The following SBNO1 variants were observed in gnomAD, a reference collection of about 807,000 sequenced individuals.
The protein encoded by SBNO1 is protein strawberry notch homolog 1.
SBNO1 carries 23 observed loss-of-function variants against 173.6 expected under a neutral mutation model. The ratio of observed to expected loss-of-function variants is 0.13; its 90% confidence interval spans 0.10 to 0.19. SBNO1 has a LOEUF of 0.19. SBNO1 is among the 10% of genes least tolerant of loss of function. The pLI is 1.00. For missense variants in SBNO1, 1,238 were observed against 1,671.2 expected (o/e 0.74, Z 4.52); for synonymous variants, 632 against 571.5 (o/e 1.11, Z -1.51).
chr12:123,304,940 G>A (rs1208593603), intron 28 of SBNO1, among the ~76,000 whole-genome samples: 1 of 152,184 alleles, frequency 6.6e-6, no homozygotes, highest in Non-Finnish European at 1.5e-5. Context: ...GAAGGTTAAA[G>A]ACCAAAGTTA....
intron 1 of SBNO1, chr12:123,364,100 C>T: frequency 5.1e-6 from 5 of 985,548 alleles, no homozygotes; most frequent in Non-Finnish European, 6.0e-6. Context: ...AAGCGAGTCG[C>T]CTGGAGAGGC....
In SBNO1 at chr12:123,293,021, T is replaced by C. The variant is rs548664343; in HGVS notation, c.*2887A>G. 6.6e-6 allele frequency: 1 copy of C among 152,334 alleles called. No individual in the cohort carries two copies. The highest frequency in any genetic ancestry group is 2.1e-4 in the South Asian group (1 of 4,828). 9.4% of individuals were successfully genotyped at this position (152,334 alleles called of 1,614,324 possible). On this transcript the variant is annotated 3_prime_UTR_variant, in exon 32 of 32. Coordinates refer to ENST00000602398, the MANE Select transcript of SBNO1 (RefSeq NM_001167856.3). ...TCTGAGCTGCTTTAGACTCTGGAAG[T>C]GGTTTTCAGTACAATTGACGCTGTA...
At chr12:123,322,864 A>G (rs1870154833) in intron 16 of SBNO1, among the ~76,000 whole-genome samples, 1 of 151,110 alleles carries the variant, frequency 6.6e-6, no homozygotes, top group South Asian at 2.1e-4. Context: ...TGGGTGACGG[A>G]GACGGAGACC....
intron 2 of SBNO1, among the ~76,000 whole-genome samples, chr12:123,348,539 G>C (rs942643622): frequency 6.6e-6 from 1 of 152,204 alleles, no homozygotes; most frequent in African/African-American, 2.4e-5. Context: ...GGCCAAGGCA[G>C]GAGGATCACA....
At chr12:123,335,719 A>T (rs1871762974) in intron 6 of SBNO1, among the ~76,000 whole-genome samples, 1 of 152,226 alleles carries the variant, frequency 6.6e-6, no homozygotes, top group Admixed American at 6.5e-5. Flanking sequence ...ATTTACTATA[A>T]AAAAGCGAGT....
In SBNO1 at chr12:123,350,294, T is replaced by C. The variant is rs755204090; in HGVS notation, c.132+16A>G. 1.2e-6 allele frequency: 2 copies of C among 1,611,894 alleles called. No homozygotes were observed. Among genetic ancestry groups the C allele is most frequent in the South Asian group, 2.2e-5 (2 of 90,856 alleles). ...GCGGAAATCACTAAGAAAGAGAGGCTTTGGAAAACTCTTACCTGCTGAACT... is the reference window on the plus strand; with the variant it reads ...GCGGAAATCACTAAGAAAGAGAGGCCTTGGAAAACTCTTACCTGCTGAACT... On this transcript the variant is annotated intron_variant, in intron 2 of 31. Coordinates refer to ENST00000602398, the MANE Select transcript of SBNO1 (RefSeq NM_001167856.3).
chr12:123,341,912 A>G (rs1872609026), intron 4 of SBNO1, among the ~76,000 whole-genome samples: 1 of 152,180 alleles, frequency 6.6e-6, no homozygotes, highest in Non-Finnish European at 1.5e-5. Flanking sequence ...ACTTTAGAAA[A>G]CAACTCAAAA....
intron 5 of SBNO1, among the ~76,000 whole-genome samples, chr12:123,340,723 T>G (rs1436200533): frequency 6.6e-6 from 1 of 152,270 alleles, no homozygotes; most frequent in South Asian, 2.1e-4. Context: ...CACATTGTCT[T>G]TTTTTCTGCT....
chr12:123,346,567 G>A (rs1245763637), intron 3 of SBNO1, among the ~76,000 whole-genome samples: 2 of 152,186 alleles, frequency 1.3e-5, no homozygotes, highest in Non-Finnish European at 2.9e-5. Flanking sequence ...GGGAGGCTGA[G>A]GCAGGAGAAT....
intron 1 of SBNO1, among the ~76,000 whole-genome samples, chr12:123,360,983 C>T (rs1875085845): frequency 2.0e-5 from 3 of 152,068 alleles, no homozygotes; most frequent in African/African-American, 7.2e-5. Flanking sequence ...CAGTGGCTCA[C>T]GCCTATAATC....
In SBNO1 at chr12:123,295,649, T is replaced by G; in HGVS notation, c.*259A>C. 1 of 426,378 alleles carries G rather than the reference T, an allele frequency of 2.3e-6. No individual in the cohort carries two copies. Among genetic ancestry groups the G allele is most frequent in the East Asian group, 4.1e-5 (1 of 24,378 alleles). The allele number at this position is 426,378 out of a possible 1,614,324, so 26.4% of individuals were successfully genotyped here. On this transcript the variant is annotated 3_prime_UTR_variant, in exon 32 of 32. Transcript: ENST00000602398. Reference sequence around the variant, plus strand: ...AGACTGACACACACGCACACACACATCCCCCTCTGCTCACCCGAAGTAAAA... The same window carrying G: ...AGACTGACACACACGCACACACACAGCCCCCTCTGCTCACCCGAAGTAAAA...
At position 123,331,339 on chromosome 12, in the gene SBNO1, C is replaced by A; in HGVS notation, c.946G>T (p.Gly316Cys). The A allele has an allele frequency of 6.2e-7, 1 of 1,613,914 alleles. No homozygotes were observed. The highest frequency in any genetic ancestry group is 8.5e-7 in the Non-Finnish European group (1 of 1,179,826). Reference sequence around the variant, plus strand: ...CCGGCACCATCACCTATTAAGAAGCCAGCACGATCTCCATTAGGTAGGAAA... The same window carrying A: ...CCGGCACCATCACCTATTAAGAAGCAAGCACGATCTCCATTAGGTAGGAAA... ...ETFLPNGDRA[G>C]FLIGDGAGVG... Residue 316 changes from glycine (G) to cysteine (C), a missense_variant, in exon 8 of 32, where the codon GGC (glycine) becomes TGC (cysteine). Gly to Cys is a radical substitution (Grantham distance 159). Transcript: ENST00000602398.
At chr12:123,340,091 A>C (rs1411045747) in intron 5 of SBNO1, among the ~76,000 whole-genome samples, 1 of 152,170 alleles carries the variant, frequency 6.6e-6, no homozygotes, top group Non-Finnish European at 1.5e-5. Flanking sequence ...CACATTGCAT[A>C]CCATTTGATG....
At chr12:123,299,496 A>G (rs2138873173) in intron 30 of SBNO1, among the ~76,000 whole-genome samples, 1 of 151,302 alleles carries the variant, frequency 6.6e-6, no homozygotes, top group East Asian at 2.0e-4. Flanking sequence ...CCTGGCTAAC[A>G]TGGTGAAACC....
In SBNO1 at chr12:123,364,773, AGCGGAGGCG is replaced by A. The variant is rs753563865; in HGVS notation, c.-82_-74del. On this transcript the variant is annotated 5_prime_UTR_variant, in exon 1 of 32. Coordinates refer to ENST00000602398, the MANE Select transcript of SBNO1 (RefSeq NM_001167856.3). ...AGTTTGAAGGACCAGAGGCGACTGG[AGCGGAGGCG>A]GCGGTGGCGGCGGCAGCAGCGGCGT... 1.9e-4 allele frequency: 186 copies of A among 988,478 alleles called. No homozygotes were observed. The highest frequency in any genetic ancestry group is 2.2e-4 in the Non-Finnish European group (180 of 832,316). 61.2% of individuals were successfully genotyped at this position (988,478 alleles called of 1,614,324 possible).
intron 4 of SBNO1, among the ~76,000 whole-genome samples, chr12:123,342,362 A>C (rs1456338715): frequency 1.3e-5 from 2 of 152,018 alleles, no homozygotes; most frequent in East Asian, 3.9e-4. Context: ...GAGGCAGGAG[A>C]ATGGCATGAA....
intron 5 of SBNO1, among the ~76,000 whole-genome samples, chr12:123,337,472 AAAGT>A (rs1871986041): frequency 6.6e-6 from 1 of 152,232 alleles, no homozygotes; most frequent in Non-Finnish European, 1.5e-5. Flanking sequence ...GACAGCATTA[AAAGT>A]GAAGGACAGG....
intron 5 of SBNO1, 115 bp from the exon 6 acceptor site, chr12:123,336,606 G>C (rs1167282120): frequency 1.2e-5 from 8 of 652,224 alleles, no homozygotes; most frequent in Non-Finnish European, 1.9e-5. Flanking sequence ...GAAACATGAC[G>C]CGCCACCTCA....
chr12:123,311,173 G>T, intron 24 of SBNO1, 44 bp from the exon 25 acceptor site: 1 of 1,392,154 alleles, frequency 7.2e-7, no homozygotes, highest in Non-Finnish European at 1.0e-6. Flanking sequence ...TACAAGGGAT[G>T]TCTACAATGT....
Sources: allele counts gnomAD v4.1 joint callset (sites outside exome capture counted in the v4.1 genomes callset), GRCh38; gene constraint gnomAD v4.1.1; transcripts MANE v1.5; gene names NCBI Gene and HGNC (gene_info 2026-07-23, HGNC 2026-07-21).